The following TAF4B variants were observed in gnomAD, a reference collection of about 807,000 sequenced individuals.
TAF4B encodes transcription initiation factor TFIID subunit 4B.
In TAF4B, 38 loss-of-function variants were observed where a neutral mutation model predicts 86.4. The observed-to-expected ratio is 0.44, with a 90% CI of 0.34 to 0.58. The LOEUF (loss-of-function observed/expected upper bound fraction) is 0.58, where lower values mean the gene tolerates loss of function less well. TAF4B is among the 20% of genes least tolerant of loss of function. The pLI is 0.02. For synonymous variants in TAF4B, 388 were observed against 391.2 expected (o/e 0.99, Z 0.10); for missense variants, 988 against 1,027.6 (o/e 0.96, Z 0.53).
At chr18:26,346,781 GTATATATATATATATATGTGTATA>G (rs2057187595) in intron 13 of TAF4B, among the ~76,000 whole-genome samples, 4 of 19,326 alleles carry the variant, frequency 2.1e-4, no homozygotes, top group Admixed American at 5.7e-4. Context: ...ATATGTGTGT[GTATATATATATATATATGTGTATA>G]TATATATATA....
chr18:26,307,182 T>G lies in TAF4B; in HGVS notation c.1833-8047T>G, dbSNP rs988463322. On this transcript the variant is annotated intron_variant, in intron 9 of 14. Coordinates refer to ENST00000269142, the MANE Select transcript of TAF4B (RefSeq NM_005640.3). ...AGAAATAGTAGCGAATAATATTAGCTCTTGTCTTGACCAAACTGTATGACA... is the reference window on the plus strand; with the variant it reads ...AGAAATAGTAGCGAATAATATTAGCGCTTGTCTTGACCAAACTGTATGACA... Among the ~76,000 whole-genome samples, 4 of 152,198 alleles carry G rather than the reference T, an allele frequency of 2.6e-5. No homozygotes were observed. The East Asian group carries it at 5.8e-4, about 22-fold the overall frequency.
At chr18:26,257,854 T>C (rs755598040) in intron 1 of TAF4B, among the ~76,000 whole-genome samples, 61 of 82,882 alleles carry the variant, frequency 7.4e-4, no homozygotes, top group African/African-American at 2.2e-3. Flanking sequence ...TGTGTGTGTG[T>C]GTGTGTGTGT....
chr18:26,361,447 G>C (rs1204789787), intron 14 of TAF4B, among the ~76,000 whole-genome samples: 9 of 151,164 alleles, frequency 6.0e-5, no homozygotes, highest in Non-Finnish European at 1.2e-4. Flanking sequence ...TAATATGTTT[G>C]AAATTATGGA....
chr18:26,274,842 C>CCTTA lies in TAF4B; in HGVS notation c.759+20_759+23dup. 6.2e-7 allele frequency: 1 copy of CCTTA among 1,614,080 alleles called. No homozygotes were observed. The highest frequency in any genetic ancestry group is 1.1e-5 in the South Asian group (1 of 91,078). ...TTTCTCCGGTAAGCTCTTACTTGCA[C>CCTTA]CTTACATAAATCTTGTTCCTTGCAA... On this transcript the variant is annotated intron_variant, in intron 4 of 14. Coordinates refer to ENST00000269142, the MANE Select transcript of TAF4B (RefSeq NM_005640.3).
intron 6 of TAF4B, among the ~76,000 whole-genome samples, chr18:26,284,241 G>T (rs567809157): frequency 1.3e-5 from 2 of 152,276 alleles, no homozygotes; most frequent in South Asian, 2.1e-4. Flanking sequence ...AGCCTTCATA[G>T]AATTGAAGAG....
Position 26,293,508 on chromosome 18 carries a change from A to G in TAF4B, c.1809A>G (p.Lys603=), listed in dbSNP as rs1428932831. 1.9e-6 allele frequency: 3 copies of G among 1,577,842 alleles called. No individual in the cohort carries two copies. In the Admixed American group the frequency reaches 6.1e-5, roughly 32 times the overall value. ...CTCCTACTCAGAAAAATAGAATAAA[A>G]GAGAATGTAACATCATGCTTCCGGT... The part of the protein sequence containing the change: ...QASPTQKNRI[K]ENVTSCFRDE... The change falls in exon 9 of 15, where the codon AAA becomes AAG. Residue 603 remains lysine (K), a synonymous_variant. Coordinates refer to ENST00000269142, the MANE Select transcript of TAF4B (RefSeq NM_005640.3).
At position 26,279,438 on chromosome 18, in the gene TAF4B, G is replaced by A. The variant is rs117036715; in HGVS notation, c.883-2533G>A. Among the ~76,000 whole-genome samples the A allele has an allele frequency of 0.011, 1,601 of 150,748 alleles. 60 individuals are homozygous for A. In the East Asian group the frequency reaches 0.11, roughly 10 times the overall value. ...GCCCAAAGCAATTGACAGATTCAAT[G>A]TTACTCCTGTCAAACTACCAATGTC... On this transcript the variant is annotated intron_variant, in intron 5 of 14. Transcript: ENST00000269142.
At chr18:26,387,474 A>G (rs766045176) in intron 14 of TAF4B, among the ~76,000 whole-genome samples, 7 of 152,134 alleles carry the variant, frequency 4.6e-5, no homozygotes, top group Non-Finnish European at 8.8e-5. Context: ...ATTCCGCAAA[A>G]ATCTTATGAA....
At chr18:26,372,591 T>C (rs2057413495) in intron 14 of TAF4B, among the ~76,000 whole-genome samples, 1 of 152,194 alleles carries the variant, frequency 6.6e-6, no homozygotes, top group Non-Finnish European at 1.5e-5. Flanking sequence ...TCAAGTCTTA[T>C]GCAAAGGACC....
intron 9 of TAF4B, among the ~76,000 whole-genome samples, chr18:26,314,261 C>T (rs1216391412): frequency 6.6e-6 from 1 of 152,126 alleles, no homozygotes; most frequent in Non-Finnish European, 1.5e-5. Context: ...TGTCATATAA[C>T]ACTGGTAAGA....
chr18:26,294,437 G>A (rs2056635990), intron 9 of TAF4B, among the ~76,000 whole-genome samples: 1 of 151,592 alleles, frequency 6.6e-6, no homozygotes. Flanking sequence ...TGAAGTGTGT[G>A]TTCAAATTTT....
intron 3 of TAF4B, among the ~76,000 whole-genome samples, chr18:26,268,607 G>T (rs1171864457): frequency 6.6e-6 from 1 of 152,086 alleles, no homozygotes; most frequent in Non-Finnish European, 1.5e-5. Context: ...GGAAATACAA[G>T]GAGGCATTTA....
Position 26,383,845 on chromosome 18 carries a change from A to T in TAF4B, c.2422-6000A>T, listed in dbSNP as rs1274217065. On this transcript the variant is annotated intron_variant, in intron 14 of 14. Transcript: ENST00000269142. ...AAAATGAAGGTGATAAAGATGAGAG[A>T]TCTGTTGCTTCAGAAGTTCTGCTTG... 2.0e-5 allele frequency among the ~76,000 whole-genome samples: 3 copies of T among 152,288 alleles called. No individual in the cohort carries two copies. The East Asian group carries it at 5.8e-4, about 29-fold the overall frequency.
intron 10 of TAF4B, among the ~76,000 whole-genome samples, chr18:26,317,636 T>G (rs927029404): frequency 3.9e-5 from 6 of 152,204 alleles, no homozygotes; most frequent in Non-Finnish European, 7.3e-5. Context: ...TGTTTATTTC[T>G]CATAGTTCTG....
At chr18:26,376,233 A>C (rs932366573) in intron 14 of TAF4B, among the ~76,000 whole-genome samples, 6 of 152,040 alleles carry the variant, frequency 3.9e-5, no homozygotes, top group Admixed American at 3.9e-4. Context: ...AACCAAAAAA[A>C]AAAAAAAGGT....
chr18:26,267,367 A>G (rs1036103078), intron 2 of TAF4B, 149 bp from the exon 3 acceptor site: 14 of 573,090 alleles, frequency 2.4e-5, no homozygotes, highest in Non-Finnish European at 4.1e-5. Context: ...GGTTTATAGT[A>G]TAGAATGTGC....
At chr18:26,256,437 G>A in intron 1 of TAF4B, 2 of 798,272 alleles carry the variant, frequency 2.5e-6, no homozygotes, top group Middle Eastern at 3.5e-4. Flanking sequence ...TGCACGCCAG[G>A]CCAGTCCCCC....
intron 1 of TAF4B, among the ~76,000 whole-genome samples, chr18:26,239,601 A>G (rs976415535): frequency 1.3e-5 from 2 of 152,110 alleles, no homozygotes; most frequent in Non-Finnish European, 2.9e-5. Context: ...ATAAGATCCC[A>G]TTTGTCAATT....
chr18:26,278,408 G>T (rs1216529985), intron 5 of TAF4B, among the ~76,000 whole-genome samples: 1 of 151,986 alleles, frequency 6.6e-6, no homozygotes, highest in East Asian at 1.9e-4. Context: ...GGGCTCAAGG[G>T]CTCCTTCCAC....
Sources: gnomAD v4.1 joint callset for allele counts (sites outside exome capture counted in the v4.1 genomes callset) on GRCh38, gnomAD v4.1.1 for gene constraint, MANE v1.5 for transcripts, NCBI Gene and HGNC (gene_info 2026-07-23, HGNC 2026-07-21) for gene names.